The following ANXA8 variants were observed in gnomAD, a reference collection of about 807,000 sequenced individuals.
The protein encoded by ANXA8 is VAC-beta.
A neutral mutation model predicts 26.8 loss-of-function variants in ANXA8; 9 were observed. That is an observed-to-expected ratio of 0.34 (90% CI 0.20 to 0.59). The LOEUF is 0.59. ANXA8 is among the 20% of genes least tolerant of loss of function. The pLI, the probability that ANXA8 is intolerant of heterozygous loss-of-function variation, is 0.84. For synonymous variants in ANXA8, 39 were observed against 94.8 expected, an observed-to-expected ratio of 0.41 and a Z score of 3.42; for missense variants, 83 against 238.5, an observed-to-expected ratio of 0.35 and a Z score of 4.29.
At chr10:47,666,209 C>A in the ANXA8 span, among the ~76,000 whole-genome samples, 1 of 146,846 alleles carries the variant, frequency 6.8e-6, no homozygotes, top group African/African-American at 2.6e-5. Context: ...CCCCCCGCCT[C>A]CCACTTTTTT....
the ANXA8 span, chr10:47,510,032 G>A: frequency 2.1e-5 from 30 of 1,461,838 alleles, 3 homozygotes; most frequent in Non-Finnish European, 2.2e-5. Flanking sequence ...AAGAGAAACT[G>A]ATACTTAATA....
At chr10:47,761,002 G>C in the ANXA8 span, 1 of 1,430,400 alleles carries the variant, frequency 7.0e-7, no homozygotes, top group Non-Finnish European at 9.3e-7. Context: ...AGCCAGGACG[G>C]TTGAGCACCA....
the ANXA8 span, among the ~76,000 whole-genome samples, chr10:47,968,617 C>T: frequency 3.5e-5 from 5 of 143,694 alleles, no homozygotes; most frequent in Admixed American, 2.1e-4. Flanking sequence ...ACCACTTCGA[C>T]CTCTTTGGCT....
the ANXA8 span, among the ~76,000 whole-genome samples, chr10:47,953,602 G>A: frequency 4.1e-3 from 623 of 150,308 alleles, 6 homozygotes; most frequent in Middle Eastern, 0.021. Context: ...AAATGACAAA[G>A]TGAAGAGACA....
the ANXA8 span, among the ~76,000 whole-genome samples, chr10:47,659,024 A>G: frequency 9.3e-5 from 14 of 150,982 alleles, no homozygotes; most frequent in Non-Finnish European, 1.6e-4. Context: ...GGCGCCCGCC[A>G]CCACGCCCGG....
the ANXA8 span, among the ~76,000 whole-genome samples, chr10:47,553,891 C>T: frequency 6.7e-6 from 1 of 149,134 alleles, no homozygotes; most frequent in East Asian, 2.1e-4. Context: ...GTGCCCGGGG[C>T]GAATGGACTA....
chr10:47,727,227 T>G, the ANXA8 span, among the ~76,000 whole-genome samples: 1 of 152,312 alleles, frequency 6.6e-6, no homozygotes, highest in Non-Finnish European at 1.5e-5. Flanking sequence ...AACTCTAGTT[T>G]TATAAGAATG....
the ANXA8 span, among the ~76,000 whole-genome samples, chr10:47,595,817 A>G: frequency 1.3e-5 from 2 of 148,394 alleles, 1 homozygote; most frequent in African/African-American, 5.2e-5. Context: ...ATAACTGGGA[A>G]CTTCAACACT....
At chr10:47,559,168 T>TTTTTTTTTTTTTC in the ANXA8 span, among the ~76,000 whole-genome samples, 1 of 141,884 alleles carries the variant, frequency 7.0e-6, no homozygotes, top group African/African-American at 2.8e-5. Context: ...TTTTTTTTTT[T>TTTTTTTTTTTTTC]TGAGGCGGAG....
chr10:47,772,526 A>G, the ANXA8 span, among the ~76,000 whole-genome samples: 13 of 152,102 alleles, frequency 8.5e-5, no homozygotes, highest in African/African-American at 3.1e-4. Flanking sequence ...ATAATGGGAG[A>G]CTGGTTGAAG....
At chr10:47,968,750 C>T in the ANXA8 span, among the ~76,000 whole-genome samples, 2 of 151,052 alleles carry the variant, frequency 1.3e-5, no homozygotes, top group African/African-American at 4.8e-5. Context: ...TCAAAAGTTA[C>T]AAAGGCAAAG....
the ANXA8 span, among the ~76,000 whole-genome samples, chr10:47,644,540 G>A: frequency 6.6e-6 from 1 of 152,038 alleles, no homozygotes; most frequent in Non-Finnish European, 1.5e-5. Flanking sequence ...CCAACCCTTG[G>A]TTGACAGTAT....
the ANXA8 span, among the ~76,000 whole-genome samples, chr10:47,637,488 T>C: frequency 6.7e-6 from 1 of 148,344 alleles, no homozygotes; most frequent in Non-Finnish European, 1.5e-5. Context: ...AGAAAATCTG[T>C]CTGTGGAAAA....
the ANXA8 span, among the ~76,000 whole-genome samples, chr10:47,630,451 A>G: frequency 6.7e-6 from 1 of 150,030 alleles, no homozygotes; most frequent in Non-Finnish European, 1.5e-5. Context: ...CAAAAGGAAA[A>G]CTAAAATAAC....
At chr10:47,555,779 A>G in the ANXA8 span, among the ~76,000 whole-genome samples, 1 of 152,066 alleles carries the variant, frequency 6.6e-6, no homozygotes, top group Non-Finnish European at 1.5e-5. Flanking sequence ...ATCTGCAGAG[A>G]GAACTGGAGA....
At chr10:47,757,557 G>A in the ANXA8 span, among the ~76,000 whole-genome samples, 15 of 74,498 alleles carry the variant, frequency 2.0e-4, 4 homozygotes, top group African/African-American at 5.6e-4. Flanking sequence ...ACCCAGGTCT[G>A]AGCCAGCTGG....
At chr10:47,645,832 C>A in the ANXA8 span, among the ~76,000 whole-genome samples, 6 of 142,698 alleles carry the variant, frequency 4.2e-5, no homozygotes, top group Non-Finnish European at 8.8e-5. Flanking sequence ...AGAGGAAGGG[C>A]GAATTTAATC....
At chr10:47,705,981 G>A in the ANXA8 span, among the ~76,000 whole-genome samples, 2 of 151,146 alleles carry the variant, frequency 1.3e-5, no homozygotes, top group East Asian at 2.0e-4. Context: ...TGCTGACGCC[G>A]GCCGGTCACG....
At chr10:47,551,029 C>T in the ANXA8 span, among the ~76,000 whole-genome samples, 1 of 150,020 alleles carries the variant, frequency 6.7e-6, no homozygotes, top group Non-Finnish European at 1.5e-5. Flanking sequence ...ACTTCTGACC[C>T]CTATCCAAAT....
Sources: allele counts gnomAD v4.1 joint callset (sites outside exome capture counted in the v4.1 genomes callset), GRCh38; gene constraint gnomAD v4.1.1; transcripts MANE v1.5; gene names NCBI Gene and HGNC (gene_info 2026-07-23, HGNC 2026-07-21).